The following CDH12 variants were observed in gnomAD, a reference collection of about 807,000 sequenced individuals.
The protein encoded by CDH12 is cadherin-12.
CDH12 carries 41 observed loss-of-function variants against 74.1 expected under a neutral mutation model. The observed-to-expected ratio is 0.55, with a 90% CI of 0.43 to 0.72. The LOEUF (loss-of-function observed/expected upper bound fraction) is 0.72. Among genes scored for constraint, CDH12 ranks in the 30% least tolerant of loss-of-function variants. The probability of loss-of-function intolerance (pLI) is 0.00; values close to 1 mark genes in which losing one functional copy is unlikely to be tolerated. For missense variants in CDH12, 945 were observed against 977.2 expected (o/e 0.97, Z 0.44); for synonymous variants, 399 against 355.0 (o/e 1.12, Z -1.39).
At position 22,725,256 on chromosome 5, in the gene CDH12, G is replaced by A. The variant is rs146275723; in HGVS notation, c.-523+127802C>T. Among the ~76,000 whole-genome samples, 322 of 151,866 alleles carry A rather than the reference G, an allele frequency of 2.1e-3. 2 individuals are homozygous for A. The highest frequency in any genetic ancestry group is 7.1e-3 in the African/African-American group (293 of 41,488). ...GGATGAAATAAAATATTATGTGAAC[G>A]TATTTCATCATGTATAAAGTATAAT... On this transcript the variant is annotated intron_variant, in intron 1 of 14. Coordinates refer to ENST00000382254, the MANE Select transcript of CDH12 (RefSeq NM_004061.5).
intron 3 of CDH12, among the ~76,000 whole-genome samples, chr5:22,240,157 T>C (rs956183023): frequency 6.6e-6 from 1 of 152,176 alleles, no homozygotes; most frequent in East Asian, 1.9e-4. Context: ...TATCCATTCT[T>C]TTTGCAATAC....
chr5:21,786,791 T>C (rs962635290), intron 10 of CDH12, among the ~76,000 whole-genome samples: 1 of 152,126 alleles, frequency 6.6e-6, no homozygotes, highest in African/African-American at 2.4e-5. Context: ...ATTAAGAACA[T>C]TGGTGATTCA....
At chr5:21,945,457 A>AAAAAAAAC (rs1755535200) in intron 6 of CDH12, among the ~76,000 whole-genome samples, 1 of 142,218 alleles carries the variant, frequency 7.0e-6, no homozygotes, top group Non-Finnish European at 1.5e-5. Flanking sequence ...AAAAAAAAAA[A>AAAAAAAAC]AGAGGTTGGA....
Position 21,774,286 on chromosome 5 carries a change from T to C in CDH12, c.1393+9072A>G, listed in dbSNP as rs1745474255. The stretch of plus-strand genomic sequence containing the variant: ...AGTCTTCCTGCCTTCATCATTCCCT[T>C]GTGCTGGATGGATATTTCCTTCCCT... On this transcript the variant is annotated intron_variant, in intron 11 of 14. Transcript: ENST00000382254. The C allele has an allele frequency of 2.0e-5, 3 of 152,174 alleles. No homozygotes were observed. In the South Asian group the frequency reaches 6.2e-4, roughly 32 times the overall value. 9.4% of individuals were successfully genotyped at this position (152,174 alleles called of 1,614,324 possible).
intron 1 of CDH12, among the ~76,000 whole-genome samples, chr5:22,801,792 A>G (rs1187171384): frequency 1.3e-5 from 2 of 150,244 alleles, no homozygotes; most frequent in African/African-American, 4.9e-5. Context: ...TCCTGTATTT[A>G]TTTTTCTCTG....
intron 5 of CDH12, among the ~76,000 whole-genome samples, chr5:21,985,823 T>TACTTA (rs1354210536): frequency 5.9e-5 from 9 of 152,152 alleles, no homozygotes; most frequent in African/African-American, 2.2e-4. Context: ...CATTAGATTA[T>TACTTA]ACTTAAGGTA....
intron 9 of CDH12, among the ~76,000 whole-genome samples, chr5:21,806,337 C>G (rs552102528): frequency 9.8e-4 from 149 of 152,214 alleles, no homozygotes; most frequent in African/African-American, 3.4e-3. Flanking sequence ...TTTCCCAGAC[C>G]TAGGAGCCAA....
intron 6 of CDH12, among the ~76,000 whole-genome samples, chr5:21,931,479 A>T (rs1754833600): frequency 6.6e-6 from 1 of 152,214 alleles, no homozygotes; most frequent in Non-Finnish European, 1.5e-5. Flanking sequence ...AATGAACAAA[A>T]GAAATATTCA....
At chr5:21,812,145 G>A (rs963480779) in intron 9 of CDH12, among the ~76,000 whole-genome samples, 21 of 151,780 alleles carry the variant, frequency 1.4e-4, no homozygotes, top group African/African-American at 4.8e-4. Context: ...TCTTAAGTGC[G>A]TTAAAAAAAG....
At chr5:22,718,730 C>T (rs1031963316) in intron 1 of CDH12, among the ~76,000 whole-genome samples, 11 of 152,018 alleles carry the variant, frequency 7.2e-5, no homozygotes, top group African/African-American at 1.2e-4. Context: ...TAAAGGCCAG[C>T]GAGGCAGGCA....
intron 8 of CDH12, among the ~76,000 whole-genome samples, chr5:21,832,120 G>A (rs1749056915): frequency 6.6e-6 from 1 of 151,952 alleles, no homozygotes. Flanking sequence ...AAAACTAAAG[G>A]TCAGATTTCT....
intron 4 of CDH12, among the ~76,000 whole-genome samples, chr5:22,108,686 T>G (rs1173855751): frequency 6.6e-6 from 1 of 152,200 alleles, no homozygotes; most frequent in African/African-American, 2.4e-5. Flanking sequence ...AACTTAAGCC[T>G]GAAGTTTAAC....
At chr5:22,562,769 G>A (rs1739115110) in intron 1 of CDH12, among the ~76,000 whole-genome samples, 2 of 151,196 alleles carry the variant, frequency 1.3e-5, no homozygotes, top group African/African-American at 4.8e-5. Context: ...TTGGAAGAAA[G>A]AGAGACAAAA....
At chr5:22,057,181 T>C (rs1182696352) in intron 5 of CDH12, among the ~76,000 whole-genome samples, 1 of 152,186 alleles carries the variant, frequency 6.6e-6, no homozygotes, top group Admixed American at 6.5e-5. Flanking sequence ...AAAGTAGCCA[T>C]AGACAATATT....
At chr5:22,414,488 A>G (rs191453072) in intron 2 of CDH12, among the ~76,000 whole-genome samples, 1 of 152,136 alleles carries the variant, frequency 6.6e-6, no homozygotes, top group Admixed American at 6.5e-5. Context: ...TTGATAGACA[A>G]TAATAGAATC....
intron 1 of CDH12, among the ~76,000 whole-genome samples, chr5:22,645,741 C>T (rs1183932821): frequency 6.6e-6 from 1 of 151,870 alleles, no homozygotes; most frequent in Non-Finnish European, 1.5e-5. Flanking sequence ...AACAAATTGC[C>T]ACAGCCAGCT....
intron 3 of CDH12, among the ~76,000 whole-genome samples, chr5:22,350,022 C>T (rs1740293552): frequency 1.3e-5 from 2 of 152,198 alleles, no homozygotes; most frequent in African/African-American, 4.8e-5. Context: ...CATATGAGGA[C>T]ATAGAGCGTA....
intron 11 of CDH12, chr5:21,779,262 C>G (rs186206343): frequency 4.6e-5 from 7 of 151,998 alleles, no homozygotes; most frequent in African/African-American, 1.7e-4. Flanking sequence ...AGACAGGTCT[C>G]AGTATGTTGC....
intron 1 of CDH12, among the ~76,000 whole-genome samples, chr5:22,745,818 G>A (rs1443963562): frequency 6.6e-6 from 1 of 152,032 alleles, no homozygotes; most frequent in Non-Finnish European, 1.5e-5. Flanking sequence ...TGGGTACGAG[G>A]CTTAATACCT....
Sources: gnomAD v4.1 joint callset for allele counts (sites outside exome capture counted in the v4.1 genomes callset) on GRCh38, gnomAD v4.1.1 for gene constraint, MANE v1.5 for transcripts, NCBI Gene and HGNC (gene_info 2026-07-23, HGNC 2026-07-21) for gene names.